The following TRIM55 variants were observed in gnomAD, a reference collection of about 807,000 sequenced individuals.
The protein encoded by TRIM55 is tripartite motif-containing protein 55.
TRIM55 carries 50 observed loss-of-function variants against 60.9 expected under a neutral mutation model. The ratio of observed to expected loss-of-function variants is 0.82; its 90% CI spans 0.65 to 1.04. TRIM55 has a LOEUF of 1.04. TRIM55 is among the 50% of genes least tolerant of loss of function. The pLI is 0.00. For synonymous variants in TRIM55, 237 were observed against 238.1 expected (o/e 1.00, Z 0.04); for missense variants, 681 against 666.9 (o/e 1.02, Z -0.23).
chr8:66,138,766 G>C (rs1044986877), intron 4 of TRIM55, among the ~76,000 whole-genome samples: 1 of 152,180 alleles, frequency 6.6e-6, no homozygotes, highest in African/African-American at 2.4e-5. Context: ...TAAAAATGGG[G>C]CAATCATGGT....
At chr8:66,114,963 C>T in the TRIM55 span, 2 of 177,326 alleles carry the variant, frequency 1.1e-5, no homozygotes, top group East Asian at 3.0e-4. Flanking sequence ...CACAAGACAA[C>T]AACAAAACGA....
chr8:66,149,967 C>A, intron 5 of TRIM55, 89 bp downstream of exon 5: 1 of 1,133,326 alleles, frequency 8.8e-7, no homozygotes, highest in Non-Finnish European at 1.3e-6. Flanking sequence ...ATGTACATTT[C>A]AGTTTTTATT....
chr8:66,150,070 A>G, intron 5 of TRIM55, 147 bp from the exon 6 acceptor site: 2 of 1,033,694 alleles, frequency 1.9e-6, no homozygotes, highest in Non-Finnish European at 2.8e-6. Flanking sequence ...CTTAAATCTA[A>G]TAGGGTTCTG....
intron 7 of TRIM55, among the ~76,000 whole-genome samples, chr8:66,151,108 G>A (rs1221860008): frequency 6.6e-6 from 1 of 152,192 alleles, no homozygotes; most frequent in African/African-American, 2.4e-5. Context: ...CAAGGTTAAA[G>A]ATGAGATAAA....
At chr8:66,132,386 G>C (rs1586173884) in intron 2 of TRIM55, among the ~76,000 whole-genome samples, 1 of 152,326 alleles carries the variant, frequency 6.6e-6, no homozygotes, top group South Asian at 2.1e-4. Flanking sequence ...CCGGGAAGGT[G>C]GAGGTTGCGG....
the TRIM55 span, among the ~76,000 whole-genome samples, chr8:66,114,152 T>C: frequency 7.0e-6 from 1 of 143,836 alleles, no homozygotes; most frequent in Admixed American, 7.1e-5. Context: ...TTCTGACCCT[T>C]CTCTAAAGGA....
chr8:66,125,198 G>A (rs1158668398), upstream of TRIM55, among the ~76,000 whole-genome samples: 1 of 152,144 alleles, frequency 6.6e-6, no homozygotes, highest in Non-Finnish European at 1.5e-5. Flanking sequence ...CCTGGCACGC[G>A]CCCTTAACCT....
At chr8:66,137,704 A>G (rs192785060) in intron 4 of TRIM55, among the ~76,000 whole-genome samples, 21 of 150,106 alleles carry the variant, frequency 1.4e-4, no homozygotes, top group African/African-American at 5.2e-4. Context: ...GTTTGAGCTC[A>G]TTCATCTCCA....
chr8:66,117,429 A>G, the TRIM55 span, among the ~76,000 whole-genome samples: 1 of 152,240 alleles, frequency 6.6e-6, no homozygotes, highest in Admixed American at 6.5e-5. Flanking sequence ...ATACAATAAT[A>G]TTTTTATTTA....
intron 2 of TRIM55, among the ~76,000 whole-genome samples, chr8:66,132,005 T>A (rs1374288773): frequency 6.6e-6 from 1 of 152,228 alleles, no homozygotes; most frequent in African/African-American, 2.4e-5. Context: ...AATACATAAA[T>A]AAATACATGC....
chr8:66,141,639 C>T (rs1809824301), intron 4 of TRIM55, among the ~76,000 whole-genome samples: 1 of 152,238 alleles, frequency 6.6e-6, no homozygotes, highest in African/African-American at 2.4e-5. Flanking sequence ...CTTAAGGGCA[C>T]AGGCTGTTAA....
At chr8:66,122,608 C>A (rs1040999584), upstream of TRIM55, among the ~76,000 whole-genome samples, 3 of 152,094 alleles carry the variant, frequency 2.0e-5, no homozygotes, top group African/African-American at 7.2e-5. Flanking sequence ...CAAGGTAAAC[C>A]AAAAATATGA....
intron 9 of TRIM55, among the ~76,000 whole-genome samples, chr8:66,172,623 A>G (rs940079719): frequency 6.6e-6 from 1 of 152,240 alleles, no homozygotes; most frequent in African/African-American, 2.4e-5. Flanking sequence ...AGAGGAAAGC[A>G]CAAAAATTTA....
At chr8:66,114,268 C>G in the TRIM55 span, among the ~76,000 whole-genome samples, 9 of 152,140 alleles carry the variant, frequency 5.9e-5, no homozygotes, top group Admixed American at 1.3e-4. Context: ...TCCAGTTTTC[C>G]TTCCTGTCCC....
At chr8:66,139,221 T>C (rs1401908375) in intron 4 of TRIM55, among the ~76,000 whole-genome samples, 1 of 152,182 alleles carries the variant, frequency 6.6e-6, no homozygotes, top group Non-Finnish European at 1.5e-5. Flanking sequence ...AGTTTATAAA[T>C]AGGAGCACGT....
At chr8:66,169,486 A>C (rs1391582456) in intron 9 of TRIM55, among the ~76,000 whole-genome samples, 2 of 152,256 alleles carry the variant, frequency 1.3e-5, no homozygotes, top group African/African-American at 4.8e-5. Context: ...TGAGCATTTT[A>C]CTTCCTTTTC....
chr8:66,113,502 A>C, the TRIM55 span: 1 of 456,046 alleles, frequency 2.2e-6, no homozygotes, highest in African/African-American at 2.0e-5. Context: ...GACTTATGGC[A>C]CTTTCCTTGG....
the TRIM55 span, among the ~76,000 whole-genome samples, chr8:66,119,501 A>G: frequency 2.0e-5 from 3 of 152,244 alleles, no homozygotes; most frequent in Admixed American, 2.0e-4. Flanking sequence ...ACAAAAGAGA[A>G]CATGGGTAAG....
intron 4 of TRIM55, among the ~76,000 whole-genome samples, chr8:66,140,334 G>A (rs7835340): frequency 0.71 from 108,677 of 152,232 alleles, 40,150 homozygotes; most frequent in African/African-American, 0.9. Flanking sequence ...CCTCCCTTAT[G>A]TATTCCTGTA....
Sources: gnomAD v4.1 joint callset for allele counts (sites outside exome capture counted in the v4.1 genomes callset) on GRCh38, gnomAD v4.1.1 for gene constraint, MANE v1.5 for transcripts, NCBI Gene and HGNC (gene_info 2026-07-23, HGNC 2026-07-21) for gene names.